Variants in DTNA observed in about 807,000 individuals in gnomAD.
DTNA encodes the protein dystrophin-related protein 3.
A neutral mutation model predicts 100.7 loss-of-function variants in DTNA; 43 were observed. The observed-to-expected ratio is 0.43, with a 90% CI of 0.33 to 0.55. The LOEUF (loss-of-function observed/expected upper bound fraction) is 0.55. Among genes scored for constraint, DTNA ranks in the 20% least tolerant of loss-of-function variants. DTNA has a pLI of 0.04. For synonymous variants in DTNA, 349 were observed against 347.9 expected (o/e 1.00, Z -0.04); for missense variants, 798 against 953.9 (o/e 0.84, Z 2.15).
intron 1 of DTNA, among the ~76,000 whole-genome samples, chr18:34,743,368 G>A (rs2091047799): frequency 6.6e-6 from 1 of 152,006 alleles, no homozygotes; most frequent in South Asian, 2.1e-4. Flanking sequence ...TGTTTTCATT[G>A]TATAACAATC....
chr18:34,607,386 A>G (rs750511568), intron 1 of DTNA, among the ~76,000 whole-genome samples: 18 of 152,342 alleles, frequency 1.2e-4, no homozygotes, highest in Non-Finnish European at 2.5e-4. Flanking sequence ...TAGTCTGCTC[A>G]TAAAATGTTA....
intron 1 of DTNA, among the ~76,000 whole-genome samples, chr18:34,494,997 A>C (rs772673150): frequency 6.6e-6 from 1 of 152,146 alleles, no homozygotes; most frequent in Non-Finnish European, 1.5e-5. Flanking sequence ...CTTAATTCTT[A>C]GACCACCAAG....
At chr18:34,838,418 A>G (rs1030399097) in intron 12 of DTNA, among the ~76,000 whole-genome samples, 2 of 152,314 alleles carry the variant, frequency 1.3e-5, no homozygotes, top group East Asian at 3.9e-4. Flanking sequence ...TTTCTGAAGG[A>G]TATTTAATCT....
chr18:34,500,368 A>G (rs1030297529), intron 1 of DTNA, among the ~76,000 whole-genome samples: 7 of 150,444 alleles, frequency 4.7e-5, no homozygotes, highest in African/African-American at 1.7e-4. Flanking sequence ...TTGAAATTTA[A>G]TTGATTTTTA....
At chr18:34,537,831 C>G (rs530857294) in intron 1 of DTNA, among the ~76,000 whole-genome samples, 2 of 151,644 alleles carry the variant, frequency 1.3e-5, no homozygotes, top group Admixed American at 1.3e-4. Context: ...GTAGATTAGA[C>G]TTTGATGAAA....
intron 1 of DTNA, among the ~76,000 whole-genome samples, chr18:34,691,182 A>G (rs758187639): frequency 6.6e-6 from 1 of 152,236 alleles, no homozygotes; most frequent in Non-Finnish European, 1.5e-5. Context: ...TGCCCAAATC[A>G]TGAACACTCA....
rs1245380406 is a variant in DTNA, at chr18:34,877,785, C to T, written c.1970C>T (p.Ser657Phe). 2 of 1,613,848 alleles carry T rather than the reference C, an allele frequency of 1.2e-6. No homozygotes were observed. The highest frequency in any genetic ancestry group is 2.7e-5 in the African/African-American group (2 of 74,922). ...AADSITNTMS[S>F]LVKELNSEVG... The stretch of plus-strand genomic sequence containing the variant: ...GATTCCATCACTAACACTATGTCCT[C>T]TCTTGTGAAAGAGCTGAATTCTGGT... The change falls in exon 19 of 23, where the codon TCT becomes TTT. Residue 657 changes from serine (S) to phenylalanine (F), a missense_variant. Transcript: ENST00000444659.
chr18:34,804,197 T>A (rs1723293672), intron 4 of DTNA, among the ~76,000 whole-genome samples: 1 of 151,974 alleles, frequency 6.6e-6, no homozygotes, highest in African/African-American at 2.4e-5. Context: ...GCAGACCATG[T>A]TAGGAGGGGG....
At chr18:34,622,873 C>G (rs1485058043) in intron 1 of DTNA, among the ~76,000 whole-genome samples, 2 of 152,160 alleles carry the variant, frequency 1.3e-5, no homozygotes, top group African/African-American at 4.8e-5. Context: ...CTCCAGCTTG[C>G]AGATGGCATG....
intron 1 of DTNA, among the ~76,000 whole-genome samples, chr18:34,664,749 T>A (rs1035226886): frequency 6.6e-5 from 10 of 152,156 alleles, no homozygotes; most frequent in African/African-American, 2.4e-4. Flanking sequence ...TTGGGTTTTA[T>A]CTCCAGTGAA....
rs1198467684 is a variant in DTNA, at chr18:34,890,482, C to A, written c.*2748C>A. The A allele has an allele frequency of 4.6e-6, 7 of 1,535,070 alleles. No individual in the cohort carries two copies. In the Admixed American group the frequency reaches 5.9e-5, roughly 13 times the overall value. ...TTTCACTTGTCCTGTCCATTAGATA[C>A]AACTACATCTTGCGGGGGTTGTTTC... On this transcript the variant is annotated 3_prime_UTR_variant, in exon 23 of 23. Transcript: ENST00000444659.
intron 16 of DTNA, among the ~76,000 whole-genome samples, chr18:34,861,314 T>G (rs543008797): frequency 6.6e-6 from 1 of 151,472 alleles, no homozygotes; most frequent in Non-Finnish European, 1.5e-5. Context: ...TGAAACCCCG[T>G]CTCTACTAAA....
chr18:34,712,207 G>T (rs1220657365), intron 1 of DTNA, among the ~76,000 whole-genome samples: 1 of 152,034 alleles, frequency 6.6e-6, no homozygotes, highest in Non-Finnish European at 1.5e-5. Context: ...AAAAGGTAAA[G>T]ATAAAAGTGT....
rs547427851 is a variant in DTNA, at chr18:34,866,654, A to C, written c.1743+2592A>C. 10 of 1,008,752 alleles carry C rather than the reference A, an allele frequency of 9.9e-6. No homozygotes were observed. In the African/African-American group the frequency reaches 1.6e-4, roughly 16 times the overall value. 62.5% of individuals were successfully genotyped at this position (1,008,752 alleles called of 1,614,324 possible). A position where few individuals can be genotyped will look rare whatever the true frequency, so the allele number is the denominator to read the frequency against. On this transcript the variant is annotated intron_variant, in intron 17 of 22. Transcript: ENST00000444659. The stretch of plus-strand genomic sequence containing the variant: ...CAATTAAATCCCTTTTCATCACACA[A>C]TTATTGAGCCTTGTTCCCCATGGCT...
At chr18:34,782,203 T>C (rs1437700433) in intron 3 of DTNA, among the ~76,000 whole-genome samples, 3 of 152,208 alleles carry the variant, frequency 2.0e-5, no homozygotes, top group Non-Finnish European at 2.9e-5. Flanking sequence ...CAAGGTATTA[T>C]GCAGAGTTGA....
intron 17 of DTNA, among the ~76,000 whole-genome samples, chr18:34,869,098 G>A (rs1257161715): frequency 6.6e-6 from 1 of 152,114 alleles, no homozygotes; most frequent in Non-Finnish European, 1.5e-5. Flanking sequence ...CTTTGCTCAC[G>A]GCTGTAAGCT....
At chr18:34,497,960 TA>T (rs2039441880) in intron 1 of DTNA, among the ~76,000 whole-genome samples, 1 of 152,178 alleles carries the variant, frequency 6.6e-6, no homozygotes, top group African/African-American at 2.4e-5. Flanking sequence ...CTTTAACAGC[TA>T]AAGGTTCTGT....
intron 17 of DTNA, among the ~76,000 whole-genome samples, chr18:34,873,778 G>C (rs1026847647): frequency 6.6e-6 from 1 of 152,228 alleles, no homozygotes; most frequent in African/African-American, 2.4e-5. Context: ...TGCAGTGGTA[G>C]CTCAGAAGCA....
chr18:34,512,451 A>G (rs2041187954), intron 1 of DTNA, among the ~76,000 whole-genome samples: 1 of 152,050 alleles, frequency 6.6e-6, no homozygotes, highest in African/African-American at 2.4e-5. Context: ...TCTCTCAGAA[A>G]GGAAAAGTGA....
Sources: gnomAD v4.1 joint callset for allele counts (sites outside exome capture counted in the v4.1 genomes callset) on GRCh38, gnomAD v4.1.1 for gene constraint, MANE v1.5 for transcripts, NCBI Gene and HGNC (gene_info 2026-07-23, HGNC 2026-07-21) for gene names.